Variants in KLHL3 observed in about 807,000 individuals in gnomAD.
KLHL3 encodes the protein kelch like family member 3, also known as kelch-like protein 3.
A neutral mutation model predicts 70.5 loss-of-function variants in KLHL3; 19 were observed. That is an observed-to-expected ratio of 0.27 (90% CI 0.19 to 0.40). KLHL3 has a LOEUF of 0.40. KLHL3 is among the 10% of genes least tolerant of loss of function. KLHL3 has a pLI of 1.00. For synonymous variants in KLHL3, 258 were observed against 290.3 expected, an observed-to-expected ratio of 0.89 and a Z score of 1.13; for missense variants, 512 against 771.1, an observed-to-expected ratio of 0.66 and a Z score of 3.98.
intron 8 of KLHL3, among the ~76,000 whole-genome samples, chr5:137,652,324 A>C (rs900768930): frequency 1.3e-5 from 2 of 152,250 alleles, no homozygotes; most frequent in African/African-American, 4.8e-5. Context: ...GTATATATCC[A>C]AAGGAAATGA....
chr5:137,638,583 T>C lies in KLHL3; in HGVS notation c.1219+370A>G, dbSNP rs180691983. 3.9e-4 allele frequency among the ~76,000 whole-genome samples: 60 copies of C among 152,246 alleles called. 2 individuals are homozygous for C. Among genetic ancestry groups the C allele is most frequent in the Middle Eastern group, 3.4e-3 (1 of 294 alleles). ...ACTGCATGACCTGAGCCAGGTCTCTTCCAAGTGCTGGACTCAGCTCCCTCA... is the reference window on the plus strand; with the variant it reads ...ACTGCATGACCTGAGCCAGGTCTCTCCCAAGTGCTGGACTCAGCTCCCTCA... On this transcript the variant is annotated intron_variant, in intron 10 of 14. Transcript: ENST00000309755.
chr5:137,685,229 C>G (rs1752132993), intron 5 of KLHL3, among the ~76,000 whole-genome samples: 1 of 152,050 alleles, frequency 6.6e-6, no homozygotes, highest in Non-Finnish European at 1.5e-5. Context: ...CAAGTGTACT[C>G]CAAAATATTA....
At chr5:137,732,566 G>GA in intron 1 of KLHL3, among the ~76,000 whole-genome samples, 1 of 152,136 alleles carries the variant, frequency 6.6e-6, no homozygotes, top group African/African-American at 2.4e-5. Context: ...TTTTAGATAA[G>GA]AAGCAAGATG....
intron 3 of KLHL3, among the ~76,000 whole-genome samples, chr5:137,699,419 G>T (rs565120134): frequency 1.3e-5 from 2 of 152,280 alleles, no homozygotes; most frequent in African/African-American, 4.8e-5. Flanking sequence ...TATCCCAGGT[G>T]TAGCACCATT....
At chr5:137,693,789 A>G (rs1353234025) in intron 4 of KLHL3, among the ~76,000 whole-genome samples, 1 of 152,154 alleles carries the variant, frequency 6.6e-6, no homozygotes, top group Non-Finnish European at 1.5e-5. Context: ...TCCCAGCCAC[A>G]AGGGCTTGCC....
At chr5:137,722,582 T>C (rs551616954) in intron 1 of KLHL3, among the ~76,000 whole-genome samples, 10 of 152,342 alleles carry the variant, frequency 6.6e-5, no homozygotes, top group African/African-American at 2.4e-4. Flanking sequence ...TTATGGTGTC[T>C]TTCTTTACTA....
intron 8 of KLHL3, among the ~76,000 whole-genome samples, chr5:137,649,988 G>A (rs1304156175): frequency 6.6e-6 from 1 of 152,156 alleles, no homozygotes; most frequent in African/African-American, 2.4e-5. Flanking sequence ...AAAGCCTCCA[G>A]AGTTGTAATA....
chr5:137,665,828 A>G (rs759943346), intron 6 of KLHL3, among the ~76,000 whole-genome samples: 60 of 152,144 alleles, frequency 3.9e-4, no homozygotes, highest in Admixed American at 9.8e-4. Context: ...GGCTGGACAT[A>G]ACTTGAATTT....
chr5:137,734,467 T>C (rs1021667420), intron 1 of KLHL3, among the ~76,000 whole-genome samples: 2 of 152,202 alleles, frequency 1.3e-5, no homozygotes, highest in Non-Finnish European at 2.9e-5. Flanking sequence ...GACAAAAGAA[T>C]GACACCCAAT....
Position 137,658,226 on chromosome 5 carries a change from T to C in KLHL3, c.808A>G (p.Ile270Val). The C allele has an allele frequency of 1.2e-6, 2 of 1,613,642 alleles. No individual in the cohort carries two copies. The highest frequency in any genetic ancestry group is 1.7e-6 in the Non-Finnish European group (2 of 1,179,532). The change falls in exon 8 of 15, where the codon ATT (isoleucine) becomes GTT (valine). Residue 270 changes from isoleucine to valine, a missense_variant. Transcript: ENST00000309755. The part of the protein sequence containing the change: ...KNNNTCKDFL[I>V]EAMKYHLLPL... Reference sequence around the variant, plus strand: ...AGGAGATGGTATTTCATGGCCTCAATGAGGAAGTCTTTACAGGTGTTGTTA... The same window carrying C: ...AGGAGATGGTATTTCATGGCCTCAACGAGGAAGTCTTTACAGGTGTTGTTA...
intron 8 of KLHL3, among the ~76,000 whole-genome samples, chr5:137,645,508 A>G (rs1188887526): frequency 6.6e-6 from 1 of 152,176 alleles, no homozygotes; most frequent in African/African-American, 2.4e-5. Flanking sequence ...CCTATACACT[A>G]ATAGTGAACT....
intron 3 of KLHL3, among the ~76,000 whole-genome samples, chr5:137,701,885 T>C (rs1752575972): frequency 6.6e-6 from 1 of 152,268 alleles, no homozygotes; most frequent in Non-Finnish European, 1.5e-5. Context: ...CTCTGAACTT[T>C]CAGAGAATGT....
At chr5:137,648,960 G>A (rs1210558146) in intron 8 of KLHL3, among the ~76,000 whole-genome samples, 1 of 152,286 alleles carries the variant, frequency 6.6e-6, no homozygotes, top group African/African-American at 2.4e-5. Flanking sequence ...GTTCATATAT[G>A]TCTATCTTAC....
At chr5:137,636,859 G>A (rs1176216075) in intron 11 of KLHL3, among the ~76,000 whole-genome samples, 1 of 152,188 alleles carries the variant, frequency 6.6e-6, no homozygotes, top group Admixed American at 6.5e-5. Flanking sequence ...AAGAAGAGGT[G>A]CCTACCTCAC....
At chr5:137,732,553 T>G (rs542579734) in intron 1 of KLHL3, among the ~76,000 whole-genome samples, 10 of 151,786 alleles carry the variant, frequency 6.6e-5, no homozygotes, top group Admixed American at 2.6e-4. Flanking sequence ...TATAAGGAGA[T>G]AGTTTTAGAT....
At chr5:137,671,895 GT>G (rs1744211946) in intron 6 of KLHL3, 1 of 152,090 alleles carries the variant, frequency 6.6e-6, no homozygotes, top group Non-Finnish European at 1.5e-5. Context: ...TTCGTAAAAA[GT>G]TTAGTTGTAT....
At chr5:137,694,695 G>A (rs1752404605) in intron 4 of KLHL3, among the ~76,000 whole-genome samples, 1 of 152,192 alleles carries the variant, frequency 6.6e-6, no homozygotes, top group Non-Finnish European at 1.5e-5. Flanking sequence ...GCCATAGGTT[G>A]ACCAATCATG....
rs79996949 is a variant in KLHL3 at position 137,628,057 on chromosome 5, A to G, written c.1591+240T>C. The G allele has an allele frequency of 0.041, 21,542 of 528,680 alleles. 603 individuals carry two copies. Among genetic ancestry groups the G allele is most frequent in the Non-Finnish European group, 0.054 (15,944 of 293,876 alleles). 32.7% of individuals were successfully genotyped at this position (528,680 alleles called of 1,614,324 possible). ...TCATCTGTGTGCGGTAAAAGTCATC[A>G]CCCTTCACTGCGGGGAAAGGGGATC... On this transcript the variant is annotated intron_variant, in intron 13 of 14. Coordinates refer to ENST00000309755, the MANE Select transcript of KLHL3 (RefSeq NM_017415.3).
intron 6 of KLHL3, among the ~76,000 whole-genome samples, chr5:137,665,989 T>C (rs775767021): frequency 2.4e-4 from 37 of 152,184 alleles, no homozygotes; most frequent in African/African-American, 5.3e-4. Flanking sequence ...ACATACACCA[T>C]AGAAATCCCT....
Sources: gnomAD v4.1 joint callset for allele counts (sites outside exome capture counted in the v4.1 genomes callset) on GRCh38, gnomAD v4.1.1 for gene constraint, MANE v1.5 for transcripts, NCBI Gene and HGNC (gene_info 2026-07-23, HGNC 2026-07-21) for gene names.